CLASP1: variants seen among roughly 807,000 people sequenced by gnomAD.
CLASP1 encodes cytoplasmic linker associated protein 1, also known as CLIP-associating protein 1.
Under a neutral mutation model 192.3 loss-of-function variants are expected in CLASP1, and 38 were observed. The ratio of observed to expected loss-of-function variants is 0.20; its 90% CI spans 0.15 to 0.26. The LOEUF is 0.26. Among genes scored for constraint, CLASP1 ranks in the 10% least tolerant of loss-of-function variants. CLASP1 has a pLI of 1.00. For synonymous variants in CLASP1, 691 were observed against 712.8 expected, an observed-to-expected ratio of 0.97 and a Z score of 0.49; for missense variants, 1,433 against 1,932.5, an observed-to-expected ratio of 0.74 and a Z score of 4.85.
intron 28 of CLASP1, among the ~76,000 whole-genome samples, chr2:121,399,812 G>C (rs2075876412): frequency 6.6e-6 from 1 of 152,176 alleles, no homozygotes; most frequent in Admixed American, 6.5e-5. Flanking sequence ...ATATGAAATA[G>C]ATCTGGTCAT....
intron 33 of CLASP1, among the ~76,000 whole-genome samples, chr2:121,380,141 C>G (rs2071290974): frequency 6.6e-6 from 1 of 152,160 alleles, no homozygotes; most frequent in Non-Finnish European, 1.5e-5. Flanking sequence ...TTATATTTTT[C>G]CAAATCAGTA....
intron 2 of CLASP1, among the ~76,000 whole-genome samples, chr2:121,560,462 A>G (rs1309909270): frequency 6.6e-6 from 1 of 152,246 alleles, no homozygotes; most frequent in Non-Finnish European, 1.5e-5. Flanking sequence ...TAAGAAAGCC[A>G]CAATTAAAAC....
intron 1 of CLASP1, among the ~76,000 whole-genome samples, chr2:121,644,695 C>A (rs1474394358): frequency 6.6e-6 from 1 of 152,018 alleles, no homozygotes; most frequent in Non-Finnish European, 1.5e-5. Flanking sequence ...GGCTTCCTAG[C>A]ACTTTGGTAG....
At chr2:121,602,106 C>T (rs543496873) in intron 2 of CLASP1, among the ~76,000 whole-genome samples, 61 of 150,618 alleles carry the variant, frequency 4.0e-4, no homozygotes, top group African/African-American at 1.4e-3. Flanking sequence ...ACCCAGGAGG[C>T]GGAGGTTGCA....
intron 8 of CLASP1, among the ~76,000 whole-genome samples, chr2:121,487,476 A>T (rs532769325): frequency 2.0e-5 from 3 of 152,252 alleles, no homozygotes; most frequent in African/African-American, 7.2e-5. Context: ...AATGTCCTTT[A>T]TCTGCTCCAG....
At chr2:121,638,202 A>G (rs943903765) in intron 1 of CLASP1, among the ~76,000 whole-genome samples, 9 of 152,168 alleles carry the variant, frequency 5.9e-5, no homozygotes, top group African/African-American at 2.2e-4. Flanking sequence ...CGATAAACAC[A>G]TGAAAAGATG....
intron 37 of CLASP1, among the ~76,000 whole-genome samples, chr2:121,354,692 G>C (rs1214801063): frequency 6.6e-6 from 1 of 152,140 alleles, no homozygotes; most frequent in African/African-American, 2.4e-5. Flanking sequence ...AGAAACAAAA[G>C]GTCAGAAAAC....
At position 121,430,715 on chromosome 2, in the gene CLASP1, A is replaced by C. The variant is rs369713510; in HGVS notation, c.1913-538T>G. On this transcript the variant is annotated intron_variant, in intron 19 of 39. Coordinates refer to ENST00000263710, the Ensembl canonical transcript of CLASP1. ...GTGAATAAATGTGTTTTTGATATGC[A>C]GCATTAAACTTCTATTTTTAAAGCA... Among the ~76,000 whole-genome samples, 3 of 152,202 alleles carry C rather than the reference A, an allele frequency of 2.0e-5. No individual in the cohort carries two copies. In the South Asian group the frequency reaches 6.2e-4, roughly 32 times the overall value.
intron 2 of CLASP1, chr2:121,530,599 A>C: frequency 1.9e-6 from 1 of 537,810 alleles, no homozygotes; most frequent in East Asian, 2.9e-5. Context: ...GGTGGAGTTC[A>C]AGAGCGCGCC....
chr2:121,491,639 T>C (rs924225041), intron 8 of CLASP1, among the ~76,000 whole-genome samples: 1 of 152,226 alleles, frequency 6.6e-6, no homozygotes, highest in Non-Finnish European at 1.5e-5. Flanking sequence ...GCTAATTATA[T>C]GGAGATGAAA....
Position 121,379,890 on chromosome 2 carries a change from G to C in CLASP1, c.3492-2241C>G, listed in dbSNP as rs549990442. 3.9e-5 allele frequency among the ~76,000 whole-genome samples: 6 copies of C among 152,266 alleles called. No homozygotes were observed. The South Asian group carries it at 1.2e-3, about 32-fold the overall frequency. ...AATAAGAAAATAAAGGATTCTGCCA[G>C]GTAATTTCCTCCTTCTCACTTTCAA... On this transcript the variant is annotated intron_variant, in intron 33 of 39. Transcript: ENST00000263710.
At chr2:121,352,851 A>C (rs1573644284) in intron 37 of CLASP1, among the ~76,000 whole-genome samples, 1 of 151,940 alleles carries the variant, frequency 6.6e-6, no homozygotes, top group South Asian at 2.1e-4. Flanking sequence ...ACGGGGTTTC[A>C]CCACGTTGAC....
At chr2:121,501,501 A>G (rs997134612) in intron 8 of CLASP1, among the ~76,000 whole-genome samples, 8 of 152,246 alleles carry the variant, frequency 5.3e-5, no homozygotes, top group African/African-American at 1.9e-4. Flanking sequence ...TATACAAATT[A>G]TACAGTTACA....
At chr2:121,426,153 GA>G (rs1256722679) in intron 21 of CLASP1, among the ~76,000 whole-genome samples, 1 of 151,102 alleles carries the variant, frequency 6.6e-6, no homozygotes, top group East Asian at 1.9e-4. Context: ...TCTTAAAAAA[GA>G]ACAAAAAAGA....
intron 39 of CLASP1, among the ~76,000 whole-genome samples, chr2:121,344,790 G>A (rs909818580): frequency 6.6e-6 from 1 of 152,166 alleles, no homozygotes; most frequent in Non-Finnish European, 1.5e-5. Flanking sequence ...GGTTGAGGAA[G>A]GGAGGGAGTT....
At chr2:121,612,291 G>A (rs1232622021) in intron 1 of CLASP1, among the ~76,000 whole-genome samples, 1 of 150,936 alleles carries the variant, frequency 6.6e-6, no homozygotes, top group East Asian at 2.0e-4. Context: ...AGGAGGAGGA[G>A]GAGTTACAAG....
At chr2:121,534,476 GA>G (rs1387929709) in intron 2 of CLASP1, among the ~76,000 whole-genome samples, 1 of 152,206 alleles carries the variant, frequency 6.6e-6, no homozygotes, top group Non-Finnish European at 1.5e-5. Flanking sequence ...TCTGGATAAA[GA>G]AAACATCATC....
At chr2:121,561,636 A>C (rs1398383627) in intron 2 of CLASP1, among the ~76,000 whole-genome samples, 1 of 152,254 alleles carries the variant, frequency 6.6e-6, no homozygotes, top group Non-Finnish European at 1.5e-5. Context: ...ATGTTTTAAC[A>C]AAGTTTGTGA....
chr2:121,348,495 C>T lies in CLASP1; in HGVS notation c.4413+17G>A. ...CCACACAGGCCGGGGGCAGGCCCCA[C>T]CAACACGAGGGCCTACCTGCAGCAA... On this transcript the variant is annotated intron_variant, in intron 38 of 39. Coordinates refer to ENST00000263710, the Ensembl canonical transcript of CLASP1. The T allele has an allele frequency of 6.3e-7, 1 of 1,594,000 alleles. No homozygotes were observed. Among genetic ancestry groups the T allele is most frequent in the Non-Finnish European group, 8.5e-7 (1 of 1,170,706 alleles).
Sources: gnomAD v4.1 joint callset for allele counts (sites outside exome capture counted in the v4.1 genomes callset) on GRCh38, gnomAD v4.1.1 for gene constraint, MANE v1.5 for transcripts, NCBI Gene and HGNC (gene_info 2026-07-23, HGNC 2026-07-21) for gene names.